The following ARHGAP25 variants were observed in gnomAD, a reference collection of about 807,000 sequenced individuals.
The protein encoded by ARHGAP25 is rho GTPase-activating protein 25.
ARHGAP25 carries 34 observed loss-of-function variants against 71.0 expected under a neutral mutation model. That is an observed-to-expected ratio of 0.48 (90% CI 0.36 to 0.64). The LOEUF is 0.64. Among genes scored for constraint, ARHGAP25 ranks in the 30% least tolerant of loss-of-function variants. The probability of loss-of-function intolerance (pLI) is 0.00; values close to 1 mark genes in which losing one functional copy is unlikely to be tolerated. For synonymous variants in ARHGAP25, 282 were observed against 296.5 expected (o/e 0.95, Z 0.50); for missense variants, 706 against 805.1 (o/e 0.88, Z 1.49).
chr2:68,766,041 T>A (rs190162116), intron 1 of ARHGAP25, among the ~76,000 whole-genome samples: 1 of 152,336 alleles, frequency 6.6e-6, no homozygotes, highest in East Asian at 1.9e-4. Context: ...TCCATGCTTA[T>A]GCAATACAAA....
chr2:68,729,577 A>T (rs1573384351), intron 2 of ARHGAP25, among the ~76,000 whole-genome samples: 1 of 152,226 alleles, frequency 6.6e-6, no homozygotes, highest in African/African-American at 2.4e-5. Context: ...CCACTATTTA[A>T]TAAAAAAAGT....
At chr2:68,759,434 T>C (rs1676671439) in intron 1 of ARHGAP25, among the ~76,000 whole-genome samples, 1 of 151,684 alleles carries the variant, frequency 6.6e-6, no homozygotes, top group African/African-American at 2.4e-5. Flanking sequence ...AAAAGAAATA[T>C]AAAAGTACTA....
At chr2:68,745,595 C>G (rs1207914570) in intron 1 of ARHGAP25, among the ~76,000 whole-genome samples, 1 of 152,158 alleles carries the variant, frequency 6.6e-6, no homozygotes, top group Non-Finnish European at 1.5e-5. Context: ...CTGAACATCG[C>G]TGGAGAAGAT....
chr2:68,741,059 G>T (rs1675494792), intron 1 of ARHGAP25, among the ~76,000 whole-genome samples: 1 of 152,200 alleles, frequency 6.6e-6, no homozygotes, highest in Non-Finnish European at 1.5e-5. Flanking sequence ...ACATATATTA[G>T]GTGCTCAGCA....
At chr2:68,729,362 AG>A (rs140011524) in intron 2 of ARHGAP25, among the ~76,000 whole-genome samples, 4,402 of 152,298 alleles carry the variant, frequency 0.029, 219 homozygotes, top group African/African-American at 0.099. Context: ...ATGAAAGACA[AG>A]GAAGTGACAG....
intron 1 of ARHGAP25, 103 bp downstream of exon 1, chr2:68,735,363 C>T (rs995059199): frequency 2.3e-5 from 28 of 1,238,540 alleles, no homozygotes; most frequent in African/African-American, 3.0e-5. Context: ...AAATGGATCT[C>T]GCAGCAAATC....
At chr2:68,764,912 T>C (rs1418147635) in intron 1 of ARHGAP25, among the ~76,000 whole-genome samples, 1 of 152,210 alleles carries the variant, frequency 6.6e-6, no homozygotes, top group Non-Finnish European at 1.5e-5. Flanking sequence ...TCTTTACTTT[T>C]ACTTTCATTT....
chr2:68,779,489 C>G (rs1410980240), intron 2 of ARHGAP25, among the ~76,000 whole-genome samples: 4 of 152,116 alleles, frequency 2.6e-5, no homozygotes, highest in Non-Finnish European at 2.9e-5. Flanking sequence ...ATTTAACTGG[C>G]TTAAAACTTA....
chr2:68,774,805 G>T, intron 1 of ARHGAP25: 1 of 1,093,192 alleles, frequency 9.1e-7, no homozygotes, highest in South Asian at 2.4e-5. Context: ...CTCACCCCGA[G>T]CCTTCAGAGT....
At chr2:68,730,637 G>A (rs1674997230), upstream of ARHGAP25, among the ~76,000 whole-genome samples, 1 of 149,044 alleles carries the variant, frequency 6.7e-6, no homozygotes, top group South Asian at 2.1e-4. Context: ...TTGACAGAGT[G>A]AGACCCTGTC....
rs1682132870 is a variant in ARHGAP25 at position 68,826,327 on chromosome 2, C to T, written c.*133C>T. ...ACATTTGAGGGAAACATCAAATTTCCCCATAAATAAATGAATGGAGTTTGC... is the reference window on the plus strand; with the variant it reads ...ACATTTGAGGGAAACATCAAATTTCTCCATAAATAAATGAATGGAGTTTGC... On this transcript the variant is annotated 3_prime_UTR_variant, in exon 11 of 11. Coordinates refer to ENST00000409202, the MANE Select transcript of ARHGAP25 (RefSeq NM_001007231.3). 1 of 874,052 alleles carries T rather than the reference C, an allele frequency of 1.1e-6. No homozygotes were observed. Among genetic ancestry groups the T allele is most frequent in the Non-Finnish European group, 1.9e-6 (1 of 535,496 alleles). 54.1% of individuals were successfully genotyped at this position (874,052 alleles called of 1,614,324 possible).
chr2:68,727,080 A>C (rs931262083), intron 2 of ARHGAP25, among the ~76,000 whole-genome samples: 1 of 152,222 alleles, frequency 6.6e-6, no homozygotes, highest in South Asian at 2.1e-4. Context: ...CAGGACGTAC[A>C]TGCTGAGGCA....
chr2:68,775,186 C>G, intron 1 of ARHGAP25, 35 bp from the exon 2 acceptor site: 4 of 1,614,214 alleles, frequency 2.5e-6, no homozygotes, highest in Non-Finnish European at 3.4e-6. Flanking sequence ...GCCCCATGTC[C>G]CTCGGTCAGT....
intron 7 of ARHGAP25, 76 bp downstream of exon 7, chr2:68,816,438 C>A: frequency 8.2e-7 from 1 of 1,220,680 alleles, no homozygotes; most frequent in Non-Finnish European, 1.2e-6. Context: ...GAGGAGGGAC[C>A]ACGTCTGTGA....
chr2:68,802,648 A>G (rs1446138425), intron 4 of ARHGAP25, among the ~76,000 whole-genome samples: 1 of 151,856 alleles, frequency 6.6e-6, no homozygotes, highest in East Asian at 1.9e-4. Flanking sequence ...TGATAGTGAG[A>G]TTAGAGAAGA....
At chr2:68,734,602 G>A (rs1675115700), upstream of ARHGAP25, among the ~76,000 whole-genome samples, 1 of 152,214 alleles carries the variant, frequency 6.6e-6, no homozygotes, top group South Asian at 2.1e-4. Flanking sequence ...GATGATGGGA[G>A]TTTCGACATT....
intron 2 of ARHGAP25, among the ~76,000 whole-genome samples, chr2:68,726,225 C>T (rs7561173): frequency 0.22 from 33,359 of 152,134 alleles, 3,962 homozygotes; most frequent in East Asian, 0.35. Context: ...AATAGGTGAA[C>T]GGTTCCTTTA....
chr2:68,727,042 A>G (rs1423572639), intron 2 of ARHGAP25, among the ~76,000 whole-genome samples: 1 of 152,224 alleles, frequency 6.6e-6, no homozygotes, highest in Non-Finnish European at 1.5e-5. Context: ...AAAGATCTTT[A>G]CGTTTGGTGT....
At chr2:68,776,295 G>A (rs1677914587) in intron 2 of ARHGAP25, among the ~76,000 whole-genome samples, 1 of 152,240 alleles carries the variant, frequency 6.6e-6, no homozygotes, top group Non-Finnish European at 1.5e-5. Context: ...GCCACTGTAA[G>A]GACCTGAGCA....
Sources: allele counts gnomAD v4.1 joint callset (sites outside exome capture counted in the v4.1 genomes callset), GRCh38; gene constraint gnomAD v4.1.1; transcripts MANE v1.5; gene names NCBI Gene and HGNC (gene_info 2026-07-23, HGNC 2026-07-21).